DOCK8: variants seen among roughly 807,000 people sequenced by gnomAD.
DOCK8 encodes the protein dedicator of cytokinesis 8, also known as dedicator of cytokinesis protein 8.
DOCK8 carries 141 observed loss-of-function variants against 245.6 expected under a neutral mutation model. The ratio of observed to expected loss-of-function variants is 0.57; its 90% CI spans 0.50 to 0.66. DOCK8 has a LOEUF of 0.66. Among genes scored for constraint, DOCK8 ranks in the 30% least tolerant of loss-of-function variants. The pLI is 0.00. For missense variants in DOCK8, 2,965 were observed against 2,603.4 expected, an observed-to-expected ratio of 1.14 and a Z score of -3.02; for synonymous variants, 1,168 against 970.2, an observed-to-expected ratio of 1.20 and a Z score of -3.79.
intron 2 of DOCK8, among the ~76,000 whole-genome samples, chr9:283,305 T>A (rs1052402322): frequency 6.6e-6 from 1 of 152,148 alleles, no homozygotes; most frequent in African/African-American, 2.4e-5. Context: ...AATCTGAAAC[T>A]TTTTTTGTGC....
Position 418,625 on chromosome 9 carries a change from C to T in DOCK8, c.3840+418C>T, listed in dbSNP as rs140511465. Among the ~76,000 whole-genome samples, 207 of 152,272 alleles carry T rather than the reference C, an allele frequency of 1.4e-3. 1 individual carries two copies. The highest frequency in any genetic ancestry group is 4.8e-3 in the African/African-American group (201 of 41,554). ...TTAGAGCAGGCATTGATTATTTCCGCCTCATTTTGCTGGAAAGAATCATTG... is the reference window on the plus strand; with the variant it reads ...TTAGAGCAGGCATTGATTATTTCCGTCTCATTTTGCTGGAAAGAATCATTG... On this transcript the variant is annotated intron_variant, in intron 30 of 47. Coordinates refer to ENST00000432829, the MANE Select transcript of DOCK8 (RefSeq NM_203447.4).
chr9:289,685 T>A (rs1417909995), intron 4 of DOCK8, 104 bp downstream of exon 4: 1 of 1,046,632 alleles, frequency 9.6e-7, no homozygotes, highest in Non-Finnish European at 1.4e-6. Context: ...TACAGAAAAA[T>A]TGCATGGCAA....
At chr9:281,930 T>A (rs1270085112) in intron 2 of DOCK8, among the ~76,000 whole-genome samples, 1 of 152,174 alleles carries the variant, frequency 6.6e-6, no homozygotes, top group African/African-American at 2.4e-5. Flanking sequence ...AGCTTGGGTG[T>A]AGTGCCAGAA....
At chr9:262,075 C>T (rs925595299) in intron 1 of DOCK8, among the ~76,000 whole-genome samples, 8 of 151,506 alleles carry the variant, frequency 5.3e-5, no homozygotes, top group African/African-American at 1.9e-4. Flanking sequence ...GTATATGTAA[C>T]CCTAAACCTA....
intron 2 of DOCK8, chr9:272,884 C>A: frequency 4.9e-6 from 1 of 202,946 alleles, no homozygotes; most frequent in Non-Finnish European, 8.7e-6. Context: ...TGTGAGAGAG[C>A]TCCAGCCCTC....
At chr9:231,334 G>A (rs1478724375) in intron 1 of DOCK8, among the ~76,000 whole-genome samples, 3 of 152,144 alleles carry the variant, frequency 2.0e-5, no homozygotes, top group Admixed American at 1.3e-4. Context: ...GTCAGGTAGT[G>A]TGATGCCTCC....
At chr9:388,439 A>T (rs1230775410) in intron 23 of DOCK8, among the ~76,000 whole-genome samples, 4 of 152,338 alleles carry the variant, frequency 2.6e-5, no homozygotes, top group South Asian at 2.1e-4. Flanking sequence ...ATACCCAAGC[A>T]TGTATACAGA....
At chr9:307,329 GTTTTTTTTGTTTTTTTTTTTT>G (rs546180232) in intron 5 of DOCK8, among the ~76,000 whole-genome samples, 23,964 of 74,596 alleles carry the variant, frequency 0.32, 7,790 homozygotes, top group East Asian at 0.58. Flanking sequence ...GTTGTGTGTG[GTTTTTTTTGTTTTTTTTTTTT>G]TTTTTTTTTT....
intron 13 of DOCK8, among the ~76,000 whole-genome samples, chr9:339,532 T>C (rs1563939269): frequency 1.3e-5 from 2 of 152,286 alleles, no homozygotes; most frequent in African/African-American, 4.8e-5. Flanking sequence ...TTTTGTTTTT[T>C]TGAGATGGAG....
intron 1 of DOCK8, among the ~76,000 whole-genome samples, chr9:258,247 G>C (rs516619): frequency 0.48 from 73,625 of 152,076 alleles, 18,233 homozygotes; most frequent in East Asian, 0.8. Context: ...CTGAAGTCAC[G>C]TCACTAAGTC....
chr9:218,557 T>C (rs563472280), intron 1 of DOCK8, among the ~76,000 whole-genome samples: 18 of 152,188 alleles, frequency 1.2e-4, no homozygotes, highest in Non-Finnish European at 2.5e-4. Context: ...TGTCATAACA[T>C]GGTACTTGTG....
At chr9:461,756 A>G (rs1831267) in intron 46 of DOCK8, among the ~76,000 whole-genome samples, 109,326 of 151,442 alleles carry the variant, frequency 0.72, 40,808 homozygotes, top group East Asian at 0.97. Context: ...TGCCCAGTCT[A>G]GTCTTTAACT....
At chr9:249,027 C>G (rs1387905909) in intron 1 of DOCK8, among the ~76,000 whole-genome samples, 1 of 152,156 alleles carries the variant, frequency 6.6e-6, no homozygotes, top group Non-Finnish European at 1.5e-5. Context: ...CCCACTCTTC[C>G]AGGTTGAACC....
At chr9:398,104 T>C (rs1030218297) in intron 25 of DOCK8, among the ~76,000 whole-genome samples, 2 of 152,224 alleles carry the variant, frequency 1.3e-5, no homozygotes, top group Admixed American at 6.5e-5. Context: ...TGGCAAACTT[T>C]GTTGGAACAG....
Position 400,923 on chromosome 9 carries a change from T to C in DOCK8, c.3234+1664T>C, listed in dbSNP as rs1353888585. On this transcript the variant is annotated intron_variant, in intron 26 of 47. Coordinates refer to ENST00000432829, the MANE Select transcript of DOCK8 (RefSeq NM_203447.4). Reference sequence around the variant, plus strand: ...CCCACTACCAACAGCTCCTTCACCATCACCACAACATCCACCACCACCATC... The same window carrying C: ...CCCACTACCAACAGCTCCTTCACCACCACCACAACATCCACCACCACCATC... Among the ~76,000 whole-genome samples, 43 of 22,236 alleles carry C rather than the reference T, an allele frequency of 1.9e-3. 2 individuals are homozygous for C. The highest frequency in any genetic ancestry group is 5.1e-3 in the South Asian group (3 of 592). 14.6% of individuals were successfully genotyped at this position (22,236 alleles called of 152,430 possible). A position where few individuals can be genotyped will look rare whatever the true frequency, so the allele number is the denominator to read the frequency against.
rs138633470 is a variant in DOCK8, at chr9:239,266, G to A, written c.53+24237G>A. On this transcript the variant is annotated intron_variant, in intron 1 of 47. Transcript: ENST00000432829. ...CACACACTTAATGCTAAACTTGAAA[G>A]AGATTTAAAGGCTAAAAGGAAAGTT... is the stretch of plus-strand genomic sequence containing the variant. 2.8e-3 allele frequency among the ~76,000 whole-genome samples: 429 copies of A among 152,308 alleles called. 5 individuals carry two copies. Among genetic ancestry groups the A allele is most frequent in the African/African-American group, 9.8e-3 (408 of 41,576 alleles).
At chr9:352,811 C>T (rs768018718) in intron 14 of DOCK8, among the ~76,000 whole-genome samples, 13 of 151,788 alleles carry the variant, frequency 8.6e-5, no homozygotes, top group Non-Finnish European at 1.2e-4. Flanking sequence ...TGTTAACCCT[C>T]AGAATGGTCT....
chr9:336,335 A>G (rs900904739), intron 11 of DOCK8, among the ~76,000 whole-genome samples: 5 of 152,170 alleles, frequency 3.3e-5, no homozygotes, highest in African/African-American at 4.8e-5. Context: ...GGGCTACCCT[A>G]ATTTCCATGT....
intron 1 of DOCK8, among the ~76,000 whole-genome samples, chr9:248,525 C>G (rs113279475): frequency 1.1e-5 from 1 of 87,148 alleles, no homozygotes; most frequent in Non-Finnish European, 3.0e-5. Context: ...CCTTCCCTCC[C>G]TCTCTCTCTT....
Sources: gnomAD v4.1 joint callset for allele counts (sites outside exome capture counted in the v4.1 genomes callset) on GRCh38, gnomAD v4.1.1 for gene constraint, MANE v1.5 for transcripts, NCBI Gene and HGNC (gene_info 2026-07-23, HGNC 2026-07-21) for gene names.